Variants in AGMO observed in about 807,000 individuals in gnomAD.
AGMO encodes glyceryl-ether monooxygenase.
AGMO carries 75 observed loss-of-function variants against 60.2 expected under a neutral mutation model. The ratio of observed to expected loss-of-function variants is 1.25; its 90% CI spans 1.03 to 1.51. The LOEUF (loss-of-function observed/expected upper bound fraction) is 1.51, where lower values mean the gene tolerates loss of function less well. AGMO is among the 40% of genes most tolerant of loss of function. The pLI, the probability that AGMO is intolerant of heterozygous loss-of-function variation, is 0.00. For missense variants in AGMO, 763 were observed against 525.5 expected (o/e 1.45, Z -4.42); for synonymous variants, 261 against 177.1 (o/e 1.47, Z -3.76).
At chr7:15,119,786 G>A in the AGMO span, among the ~76,000 whole-genome samples, 27 of 152,118 alleles carry the variant, frequency 1.8e-4, no homozygotes, top group East Asian at 4.8e-3. Context: ...CTCAATCTGA[G>A]CTAATTATTT....
chr7:15,347,079 G>C (rs921153363), intron 12 of AGMO, among the ~76,000 whole-genome samples: 1 of 151,920 alleles, frequency 6.6e-6, no homozygotes, highest in Non-Finnish European at 1.5e-5. Flanking sequence ...ACATTAAAAT[G>C]AATCAAACTT....
chr7:15,359,291 C>CAA (rs398003765), intron 12 of AGMO, among the ~76,000 whole-genome samples: 7,536 of 115,038 alleles, frequency 0.066, 341 homozygotes, highest in African/African-American at 0.12. Context: ...TCCGTCTCAA[C>CAA]AAAAAAAAAA....
At chr7:15,218,001 C>T (rs1423571502) in intron 12 of AGMO, among the ~76,000 whole-genome samples, 6 of 151,390 alleles carry the variant, frequency 4.0e-5, no homozygotes. Flanking sequence ...TAAATGACAA[C>T]GAATATACTG....
chr7:15,182,269 G>T, the AGMO span, among the ~76,000 whole-genome samples: 124 of 152,246 alleles, frequency 8.1e-4, no homozygotes, highest in South Asian at 2.9e-3. Context: ...AAGTTCTGCA[G>T]ATAGACAGTG....
intron 10 of AGMO, among the ~76,000 whole-genome samples, chr7:15,376,116 G>T (rs61506135): frequency 0.19 from 28,805 of 151,896 alleles, 3,308 homozygotes; most frequent in African/African-American, 0.31. Context: ...ATAGTCTTCC[G>T]TTACTACAAA....
intron 12 of AGMO, among the ~76,000 whole-genome samples, chr7:15,292,033 G>T (rs1784278178): frequency 6.6e-6 from 1 of 151,318 alleles, no homozygotes; most frequent in Admixed American, 6.6e-5. Context: ...AATTTCTAAG[G>T]TGAATTTAGA....
intron 12 of AGMO, among the ~76,000 whole-genome samples, chr7:15,357,548 A>G (rs1034418513): frequency 1.4e-4 from 22 of 152,178 alleles, no homozygotes; most frequent in Non-Finnish European, 2.8e-4. Flanking sequence ...GGCTGGTCTG[A>G]TAATTTGTTT....
chr7:15,157,655 G>C, the AGMO span, among the ~76,000 whole-genome samples: 14 of 152,122 alleles, frequency 9.2e-5, no homozygotes, highest in African/African-American at 2.9e-4. Context: ...CCTCCAAAGG[G>C]GGACAAGCCT....
chr7:15,541,342 G>A (rs1015021861), intron 3 of AGMO, among the ~76,000 whole-genome samples: 5 of 152,020 alleles, frequency 3.3e-5, no homozygotes, highest in African/African-American at 9.7e-5. Flanking sequence ...GGCTGGTCTC[G>A]AACTCCTGAC....
the AGMO span, among the ~76,000 whole-genome samples, chr7:15,135,699 C>A: frequency 9.9e-5 from 15 of 151,804 alleles, no homozygotes; most frequent in African/African-American, 3.4e-4. Flanking sequence ...GTTTTAATTT[C>A]TTCTGGTATT....
In AGMO at chr7:15,201,317, T is replaced by A. The variant is rs772032121; in HGVS notation, c.1306A>T (p.Met436Leu). ...CAAGGGTGAGAGGTGAGTTGTTTCA[T>A]GCTTCTAACTCCCCAGAAAGCAATG... ...ICIAFWGVRS[M>L]KQLTSHPWK Residue 436 changes from methionine to leucine, a missense_variant, in exon 13 of 13, where the codon ATG becomes TTG. Transcript: ENST00000342526. 3 of 1,612,952 alleles carry A rather than the reference T, an allele frequency of 1.9e-6. No homozygotes were observed. The highest frequency in any genetic ancestry group is 2.5e-6 in the Non-Finnish European group (3 of 1,179,482).
At chr7:15,163,051 T>C in the AGMO span, among the ~76,000 whole-genome samples, 2 of 152,172 alleles carry the variant, frequency 1.3e-5, no homozygotes, top group Non-Finnish European at 2.9e-5. Context: ...CTTGGATAAA[T>C]GCATTTCTAG....
chr7:15,186,221 T>C, the AGMO span, among the ~76,000 whole-genome samples: 1 of 152,232 alleles, frequency 6.6e-6, no homozygotes, highest in Non-Finnish European at 1.5e-5. Flanking sequence ...CCAGAGAGCA[T>C]TTGGCTTCCA....
At chr7:15,131,647 G>A in the AGMO span, among the ~76,000 whole-genome samples, 1 of 151,964 alleles carries the variant, frequency 6.6e-6, no homozygotes, top group Non-Finnish European at 1.5e-5. Context: ...AGGGCAGTTG[G>A]AGGCTAGTTC....
chr7:15,473,769 G>C (rs988797780), intron 3 of AGMO, among the ~76,000 whole-genome samples: 1 of 151,720 alleles, frequency 6.6e-6, no homozygotes, highest in African/African-American at 2.4e-5. Flanking sequence ...ACGTCAAATT[G>C]TCTGTTTGCA....
chr7:15,416,861 C>T (rs1290925371), intron 5 of AGMO, among the ~76,000 whole-genome samples: 1 of 152,120 alleles, frequency 6.6e-6, no homozygotes, highest in East Asian at 1.9e-4. Context: ...AAAAGCAAGA[C>T]AAGCAAATGA....
At chr7:15,334,149 T>C (rs888185739) in intron 12 of AGMO, among the ~76,000 whole-genome samples, 2 of 151,930 alleles carry the variant, frequency 1.3e-5, no homozygotes, top group African/African-American at 2.4e-5. Context: ...GCTTTAAAAG[T>C]CACAAAAGAA....
In AGMO at chr7:15,452,673, C is replaced by T. The variant is rs143902864; in HGVS notation, c.410-21565G>A. On this transcript the variant is annotated intron_variant, in intron 3 of 12. Coordinates refer to ENST00000342526, the MANE Select transcript of AGMO (RefSeq NM_001004320.2). ...GTGCAGCTGCTTTGGAAAACAGTTT[C>T]GCAGTTCTTCAATAAGAAGAACAGT... 4.8e-3 allele frequency among the ~76,000 whole-genome samples: 724 copies of T among 152,230 alleles called. 5 individuals carry two copies. Among genetic ancestry groups the T allele is most frequent in the African/African-American group, 0.016 (684 of 41,558 alleles).
intron 12 of AGMO, among the ~76,000 whole-genome samples, chr7:15,355,457 C>T (rs751564405): frequency 3.6e-5 from 5 of 137,154 alleles, no homozygotes; most frequent in African/African-American, 5.5e-5. Flanking sequence ...GAGCCCAGAT[C>T]ATGCCACTGC....
Sources: allele counts gnomAD v4.1 joint callset (sites outside exome capture counted in the v4.1 genomes callset), GRCh38; gene constraint gnomAD v4.1.1; transcripts MANE v1.5; gene names NCBI Gene and HGNC (gene_info 2026-07-23, HGNC 2026-07-21).